AGBL4: variants seen among roughly 807,000 people sequenced by gnomAD.
AGBL4 encodes the protein cytosolic carboxypeptidase 6.
Under a neutral mutation model 66.4 loss-of-function variants are expected in AGBL4, and 58 were observed. That is an observed-to-expected ratio of 0.87 (90% CI 0.71 to 1.09). AGBL4 has a LOEUF of 1.09. Ranked by LOEUF, AGBL4 falls within the 50% of genes least tolerant of loss-of-function variation. The probability of loss-of-function intolerance (pLI) is 0.00; values close to 1 mark genes in which losing one functional copy is unlikely to be tolerated. For synonymous variants in AGBL4, 234 were observed against 222.9 expected (o/e 1.05, Z -0.44); for missense variants, 579 against 631.0 (o/e 0.92, Z 0.88).
intron 4 of AGBL4, among the ~76,000 whole-genome samples, chr1:49,238,851 A>G (rs546169555): frequency 2.4e-4 from 37 of 152,234 alleles, no homozygotes; most frequent in Non-Finnish European, 4.7e-4. Flanking sequence ...TTCTCCAATA[A>G]CTATTTTGGC....
At chr1:48,726,809 C>A (rs985202304) in intron 6 of AGBL4, among the ~76,000 whole-genome samples, 3 of 152,146 alleles carry the variant, frequency 2.0e-5, no homozygotes, top group African/African-American at 7.2e-5. Context: ...GTAACAGTTG[C>A]CAACATTTAT....
chr1:48,542,367 T>C (rs1015612458), intron 11 of AGBL4, among the ~76,000 whole-genome samples: 13 of 152,218 alleles, frequency 8.5e-5, no homozygotes, highest in Non-Finnish European at 1.6e-4. Flanking sequence ...AGTAATGCGA[T>C]TGCTGGATCA....
chr1:48,850,141 C>T (rs756497857), intron 6 of AGBL4, among the ~76,000 whole-genome samples: 6 of 152,166 alleles, frequency 3.9e-5, no homozygotes, highest in Non-Finnish European at 7.3e-5. Flanking sequence ...AATTTTGTTA[C>T]AAATGATTCA....
intron 3 of AGBL4, among the ~76,000 whole-genome samples, chr1:49,588,946 G>A (rs1644701817): frequency 1.7e-5 from 2 of 117,654 alleles, no homozygotes; most frequent in South Asian, 2.4e-4. Flanking sequence ...AGAAATATGG[G>A]TGAACTGGGG....
chr1:48,731,133 TACAA>T (rs1051443059), intron 6 of AGBL4, among the ~76,000 whole-genome samples: 2 of 152,126 alleles, frequency 1.3e-5, no homozygotes, highest in African/African-American at 4.8e-5. Flanking sequence ...ACAAAATAAA[TACAA>T]ACAATCTCAA....
At chr1:49,706,331 T>C (rs1319441629) in intron 2 of AGBL4, among the ~76,000 whole-genome samples, 1 of 152,206 alleles carries the variant, frequency 6.6e-6, no homozygotes, top group Non-Finnish European at 1.5e-5. Context: ...CTAGTTTATC[T>C]GCATAGAGGT....
At chr1:48,688,813 G>C (rs905062738) in intron 6 of AGBL4, among the ~76,000 whole-genome samples, 1 of 144,180 alleles carries the variant, frequency 6.9e-6, no homozygotes, top group Admixed American at 6.9e-5. Context: ...TTTTTTTTTT[G>C]AATTTAGAAA....
intron 3 of AGBL4, among the ~76,000 whole-genome samples, chr1:49,473,698 C>A (rs541602598): frequency 2.3e-4 from 35 of 152,118 alleles, no homozygotes; most frequent in African/African-American, 8.4e-4. Context: ...TAGTCATATT[C>A]TTTGCATAGA....
chr1:48,590,406 CAAA>C (rs386366923), intron 10 of AGBL4, among the ~76,000 whole-genome samples: 2 of 93,658 alleles, frequency 2.1e-5, no homozygotes, highest in African/African-American at 4.2e-5. Context: ...AACTCAGTCT[CAAA>C]AAAAAAAAAA....
intron 1 of AGBL4, among the ~76,000 whole-genome samples, chr1:49,920,109 C>T (rs1344609829): frequency 6.6e-6 from 1 of 152,110 alleles, no homozygotes; most frequent in South Asian, 2.1e-4. Flanking sequence ...TAAAGACTTA[C>T]ATGTTAGACC....
intron 1 of AGBL4, among the ~76,000 whole-genome samples, chr1:49,964,685 C>T (rs866967869): frequency 6.6e-6 from 1 of 151,890 alleles, no homozygotes; most frequent in African/African-American, 2.4e-5. Context: ...GATTTTAAAA[C>T]AATGTATTAT....
At chr1:49,329,143 C>G (rs957149587) in intron 3 of AGBL4, among the ~76,000 whole-genome samples, 2 of 151,478 alleles carry the variant, frequency 1.3e-5, no homozygotes, top group Non-Finnish European at 2.9e-5. Context: ...CCTGTCTCTA[C>G]TAAATATACA....
intron 6 of AGBL4, among the ~76,000 whole-genome samples, chr1:48,787,097 A>G (rs550634311): frequency 6.6e-6 from 1 of 152,256 alleles, no homozygotes; most frequent in East Asian, 1.9e-4. Context: ...AATTTTCCCA[A>G]GGTCACACAG....
At chr1:48,548,578 G>A (rs1027148562) in intron 11 of AGBL4, among the ~76,000 whole-genome samples, 1 of 152,084 alleles carries the variant, frequency 6.6e-6, no homozygotes, top group African/African-American at 2.4e-5. Flanking sequence ...ACATCCTCCC[G>A]CCTGGCCTGC....
At position 49,208,588 on chromosome 1, in the gene AGBL4, C is replaced by A. The variant is rs565912416; in HGVS notation, c.377+37182G>T. ...ATGCCTGTCTCAGAGAAGATGCATT[C>A]TTGGTTGTTGTCTAACACAGAGGGG... is the stretch of plus-strand genomic sequence containing the variant. On this transcript the variant is annotated intron_variant, in intron 4 of 13. Coordinates refer to ENST00000371839, the MANE Select transcript of AGBL4 (RefSeq NM_032785.4). Among the ~76,000 whole-genome samples the A allele has an allele frequency of 3.9e-5, 6 of 152,200 alleles. No individual in the cohort carries two copies. In the South Asian group the frequency reaches 1.2e-3, roughly 32 times the overall value.
Position 49,608,039 on chromosome 1 carries a change from TG to T in AGBL4, c.282+89273del, listed in dbSNP as rs1200292606. ...TTTTATGTGCCAGACTCAGTGTTAC[TG>T]GGGCAGGTACAAAGATGAGAAAAAT... On this transcript the variant is annotated intron_variant, in intron 3 of 13. Coordinates refer to ENST00000371839, the MANE Select transcript of AGBL4 (RefSeq NM_032785.4). Among the ~76,000 whole-genome samples the T allele has an allele frequency of 2.0e-5, 3 of 152,232 alleles. No homozygotes were observed. In the South Asian group the frequency reaches 6.2e-4, roughly 32 times the overall value.
intron 3 of AGBL4, among the ~76,000 whole-genome samples, chr1:49,491,610 A>G (rs1034073991): frequency 1.3e-5 from 2 of 151,930 alleles, no homozygotes; most frequent in Admixed American, 1.3e-4. Context: ...ACTAGATGGA[A>G]GCCAAAGTTT....
At chr1:49,623,817 G>A (rs1039319826) in intron 3 of AGBL4, among the ~76,000 whole-genome samples, 4 of 152,174 alleles carry the variant, frequency 2.6e-5, no homozygotes, top group Non-Finnish European at 5.9e-5. Flanking sequence ...CTTGTGCAGG[G>A]CCTAAAGTAC....
intron 2 of AGBL4, chr1:49,846,472 A>G (rs1444128738): frequency 8.9e-6 from 10 of 1,128,990 alleles, no homozygotes; most frequent in Non-Finnish European, 1.0e-5. Flanking sequence ...ATTTGACCCA[A>G]TCATACACAT....
Sources: allele counts gnomAD v4.1 joint callset (sites outside exome capture counted in the v4.1 genomes callset), GRCh38; gene constraint gnomAD v4.1.1; transcripts MANE v1.5; gene names NCBI Gene and HGNC (gene_info 2026-07-23, HGNC 2026-07-21).